The following WDFY3 variants were observed in gnomAD, a reference collection of about 807,000 sequenced individuals.
WDFY3 encodes WD repeat and FYVE domain-containing protein 3.
A neutral mutation model predicts 409.6 loss-of-function variants in WDFY3; 66 were observed. That is an observed-to-expected ratio of 0.16 (90% confidence interval 0.13 to 0.20). The LOEUF (loss-of-function observed/expected upper bound fraction) is 0.20. WDFY3 is among the 10% of genes least tolerant of loss of function. The pLI is 1.00. For synonymous variants in WDFY3, 1,521 were observed against 1,537.1 expected (o/e 0.99, Z 0.25); for missense variants, 3,031 against 4,298.1 (o/e 0.71, Z 8.24).
At chr4:84,826,050 T>C (rs144125478) in intron 10 of WDFY3, among the ~76,000 whole-genome samples, 1,596 of 152,268 alleles carry the variant, frequency 0.01, 30 homozygotes, top group African/African-American at 0.036. Context: ...CCTCCGTACA[T>C]AGATTTTGCT....
Position 84,696,069 on chromosome 4 carries a change from A to G in WDFY3, c.8802T>C (p.Leu2934=), listed in dbSNP as rs765091471. Residue 2934 remains leucine, a synonymous_variant, in exon 58 of 68, where the codon CTT becomes CTC. Transcript: ENST00000295888. ...AGATATCCACTTGACCCTCATAAAA[A>G]AGATGATGGAAGACATTTACAGCTT... ...AVEAVNVFHH[L]FYEGQVDIYN... is the part of the protein sequence containing the mutation. 21 of 1,614,070 alleles carry G rather than the reference A, an allele frequency of 1.3e-5. No homozygotes were observed. Among genetic ancestry groups the G allele is most frequent in the Admixed American group, 8.3e-5 (5 of 60,002 alleles).
chr4:84,918,982 T>C (rs1768899038), intron 2 of WDFY3, among the ~76,000 whole-genome samples: 1 of 151,780 alleles, frequency 6.6e-6, no homozygotes, highest in Admixed American at 6.6e-5. Flanking sequence ...TATTACCCAA[T>C]AAGAAGGACT....
In WDFY3 at chr4:84,924,595, GC is replaced by G. The variant is rs776343514; in HGVS notation, c.-132+7674del. 5.9e-5 allele frequency among the ~76,000 whole-genome samples: 9 copies of G among 152,264 alleles called. No homozygotes were observed. In the East Asian group the frequency reaches 1.2e-3, roughly 20 times the overall value. ...CATTGAGAATAAGAGAAGTTAAGTA[GC>G]CCAAGGTCACATGCTAGAAACCAGA... On this transcript the variant is annotated intron_variant, in intron 2 of 67. Transcript: ENST00000295888.
chr4:84,894,834 CAGTTATTCAGGAGGCTGAAGCATA>C (rs1224844649), intron 3 of WDFY3, among the ~76,000 whole-genome samples: 1 of 150,208 alleles, frequency 6.7e-6, no homozygotes, highest in African/African-American at 2.5e-5. Context: ...CCTGTAATTC[CAGTTATTCAGGAGGCTGAAGCATA>C]AGAATCACTT....
intron 4 of WDFY3, among the ~76,000 whole-genome samples, chr4:84,856,308 G>A (rs1398330899): frequency 6.6e-6 from 1 of 151,966 alleles, no homozygotes; most frequent in Admixed American, 6.6e-5. Flanking sequence ...AGATCTAATT[G>A]GTAAACATTA....
At chr4:84,683,594 A>T (rs150273231) in intron 63 of WDFY3, among the ~76,000 whole-genome samples, 1 of 152,184 alleles carries the variant, frequency 6.6e-6, no homozygotes, top group Non-Finnish European at 1.5e-5. Flanking sequence ...ATCCCTGCTC[A>T]CTATGTTTTC....
intron 4 of WDFY3, among the ~76,000 whole-genome samples, chr4:84,853,331 C>T (rs1011654904): frequency 3.3e-5 from 5 of 151,948 alleles, no homozygotes; most frequent in African/African-American, 4.8e-5. Context: ...CCACCACACC[C>T]GGCTAATTTT....
At chr4:84,841,606 G>A (rs1236070762) in intron 5 of WDFY3, among the ~76,000 whole-genome samples, 2 of 152,122 alleles carry the variant, frequency 1.3e-5, no homozygotes, top group Admixed American at 6.6e-5. Flanking sequence ...GAAAATAAGA[G>A]CACAGCAATA....
At chr4:84,802,307 C>T (rs1280382988) in intron 16 of WDFY3, among the ~76,000 whole-genome samples, 1 of 148,156 alleles carries the variant, frequency 6.7e-6, no homozygotes, top group Non-Finnish European at 1.5e-5. Flanking sequence ...GGTTGGAGTG[C>T]AATTGTGTGA....
chr4:84,707,566 G>T (rs1732176195), intron 53 of WDFY3, among the ~76,000 whole-genome samples: 1 of 152,074 alleles, frequency 6.6e-6, no homozygotes. Flanking sequence ...AGAACTGAAG[G>T]TTCAGTAATG....
chr4:84,743,984 A>G (rs1300325931), intron 36 of WDFY3, among the ~76,000 whole-genome samples, 185 bp from the exon 37 acceptor site: 1 of 151,090 alleles, frequency 6.6e-6, no homozygotes, highest in East Asian at 1.9e-4. Flanking sequence ...TGACTACAGA[A>G]TTAAAAAAAA....
chr4:84,839,393 A>G (rs2150012220), intron 6 of WDFY3, among the ~76,000 whole-genome samples: 1 of 152,270 alleles, frequency 6.6e-6, no homozygotes, highest in Non-Finnish European at 1.5e-5. Flanking sequence ...AGTCAGATAC[A>G]TGAAAACAAT....
At chr4:84,897,155 A>T (rs1178711924) in intron 2 of WDFY3, 145 bp from the exon 3 acceptor site, 1 of 152,176 alleles carries the variant, frequency 6.6e-6, no homozygotes, top group South Asian at 2.1e-4. Context: ...GAAGCTTTTT[A>T]AAAAATGCTC....
Position 84,682,453 on chromosome 4 carries a change from A to G in WDFY3, c.9744T>C (p.Phe3248=), listed in dbSNP as rs1480243884. The G allele has an allele frequency of 1.9e-6, 3 of 1,613,690 alleles. No homozygotes were observed. The highest frequency in any genetic ancestry group is 2.2e-5 in the East Asian group (1 of 44,880). ...GAGCTGGTGTTTCAGGAACTTGCAA[A>G]AATTCCATTCTCCAAAACTAAATTT... ...DGVVRFWRME[F]LQVPETPAPE... is the part of the protein sequence containing the mutation. Residue 3248 remains phenylalanine, a synonymous_variant, in exon 64 of 68, where the codon TTT becomes TTC. Transcript: ENST00000295888.
At chr4:84,901,883 T>C (rs1270437227) in intron 2 of WDFY3, among the ~76,000 whole-genome samples, 1 of 152,210 alleles carries the variant, frequency 6.6e-6, no homozygotes, top group Non-Finnish European at 1.5e-5. Context: ...GTCTGGCAGG[T>C]TGATATCTGA....
At chr4:84,952,946 A>G (rs1773791366) in intron 1 of WDFY3, among the ~76,000 whole-genome samples, 1 of 152,166 alleles carries the variant, frequency 6.6e-6, no homozygotes, top group Admixed American at 6.5e-5. Flanking sequence ...TACACAAAGG[A>G]AATGAAATCA....
Position 84,709,361 on chromosome 4 carries a change from A to G in WDFY3, c.8043-14T>C. ...AGTAACCCAGATCTAAAAGCAATAC[A>G]TAATACAATAAATTACAAGCAATAA... On this transcript the variant is annotated splice_polypyrimidine_tract_variant and intron_variant, in intron 51 of 67. Coordinates refer to ENST00000295888, the MANE Select transcript of WDFY3 (RefSeq NM_014991.6). 3 of 1,584,830 alleles carry G rather than the reference A, an allele frequency of 1.9e-6. No homozygotes were observed. The highest frequency in any genetic ancestry group is 2.6e-6 in the Non-Finnish European group (3 of 1,170,154).
At chr4:84,693,371 C>G (rs1393512487) in intron 58 of WDFY3, among the ~76,000 whole-genome samples, 1 of 152,088 alleles carries the variant, frequency 6.6e-6, no homozygotes, top group African/African-American at 2.4e-5. Context: ...CTCTCAGTAG[C>G]CTAATACCAT....
At chr4:84,965,188 C>T (rs1291796449) in intron 1 of WDFY3, among the ~76,000 whole-genome samples, 5 of 152,294 alleles carry the variant, frequency 3.3e-5, no homozygotes, top group South Asian at 2.1e-4. Flanking sequence ...TCTCAACCTG[C>T]TACCAAATAC....
Sources: gnomAD v4.1 joint callset for allele counts (sites outside exome capture counted in the v4.1 genomes callset) on GRCh38, gnomAD v4.1.1 for gene constraint, MANE v1.5 for transcripts, NCBI Gene and HGNC (gene_info 2026-07-23, HGNC 2026-07-21) for gene names.